The following EP400 variants were observed in gnomAD, a reference collection of about 807,000 sequenced individuals.
EP400 encodes the protein E1A-binding protein p400.
A neutral mutation model predicts 354.1 loss-of-function variants in EP400; 105 were observed. That is an observed-to-expected ratio of 0.30 (90% CI 0.25 to 0.35). The LOEUF is 0.35. Among genes scored for constraint, EP400 ranks in the 10% least tolerant of loss-of-function variants. The probability of loss-of-function intolerance (pLI) is 1.00; values close to 1 mark genes in which losing one functional copy is unlikely to be tolerated. For missense variants in EP400, 3,280 were observed against 4,121.0 expected, an observed-to-expected ratio of 0.80 and a Z score of 5.59; for synonymous variants, 1,646 against 1,716.9, an observed-to-expected ratio of 0.96 and a Z score of 1.02.
In EP400 at chr12:132,077,697, A is replaced by G; in HGVS notation, c.*24A>G. On this transcript the variant is annotated 3_prime_UTR_variant, in exon 53 of 53. Transcript: ENST00000389561. ...AGTCAGGGCAGCAGGGCTGCCTCTC[A>G]TCTAAAGCAAAACTACCTTCCTCAC... is the stretch of plus-strand genomic sequence containing the variant. The G allele has an allele frequency of 6.4e-7, 1 of 1,553,276 alleles. No homozygotes were observed. The highest frequency in any genetic ancestry group is 8.7e-7 in the Non-Finnish European group (1 of 1,152,614).
intron 32 of EP400, among the ~76,000 whole-genome samples, chr12:132,040,437 C>G (rs896055595): frequency 6.6e-5 from 10 of 152,120 alleles, no homozygotes; most frequent in Admixed American, 3.9e-4. Context: ...CAGCACTGTC[C>G]CAGCAGCCAG....
chr12:132,072,729 A>G (rs964358497), intron 51 of EP400, among the ~76,000 whole-genome samples: 1 of 152,164 alleles, frequency 6.6e-6, no homozygotes, highest in African/African-American at 2.4e-5. Context: ...TTGTGTTACT[A>G]GTTATTGAGA....
At chr12:131,955,138 G>C (rs1286921938) in intron 1 of EP400, among the ~76,000 whole-genome samples, 5 of 152,170 alleles carry the variant, frequency 3.3e-5, no homozygotes, top group African/African-American at 1.2e-4. Flanking sequence ...TAGGATACCT[G>C]TACTATGTTT....
chr12:131,976,529 T>A (rs1047439418), intron 2 of EP400, among the ~76,000 whole-genome samples: 2 of 152,104 alleles, frequency 1.3e-5, no homozygotes, highest in Non-Finnish European at 2.9e-5. Flanking sequence ...CTGGCCAATA[T>A]GGTGAAACCC....
chr12:131,965,636 C>G (rs185152966), intron 2 of EP400, among the ~76,000 whole-genome samples: 1 of 152,284 alleles, frequency 6.6e-6, no homozygotes, highest in Admixed American at 6.5e-5. Flanking sequence ...CTCATCAACC[C>G]TTCACGCCTC....
intron 32 of EP400, among the ~76,000 whole-genome samples, chr12:132,042,577 G>A (rs910919001): frequency 1.3e-5 from 2 of 152,184 alleles, no homozygotes; most frequent in Non-Finnish European, 2.9e-5. Context: ...TCTGTGTATC[G>A]TGTCAAAGTA....
rs1319163029 is a variant in EP400 at position 132,070,274 on chromosome 12, G to T, written c.9021+633G>T. 6.6e-6 allele frequency among the ~76,000 whole-genome samples: 1 copy of T among 152,138 alleles called. No homozygotes were observed. Among genetic ancestry groups the T allele is most frequent in the Non-Finnish European group, 1.5e-5 (1 of 68,026 alleles). ...TTCTCAGCTAGTCTTACATCCTCTG[G>T]GAATTGGTTTTTGGGTCTGAGATAG... On this transcript the variant is annotated intron_variant, in intron 51 of 52. Transcript: ENST00000389561. The surrounding 1 kb of genome is among the most constrained non-coding windows in gnomAD (Gnocchi z 4.1).
chr12:132,016,435 C>A (rs1893937037), intron 19 of EP400, among the ~76,000 whole-genome samples: 2 of 152,126 alleles, frequency 1.3e-5, no homozygotes, highest in African/African-American at 4.8e-5. Flanking sequence ...GTGGCACGAT[C>A]TGGGCTCACT....
chr12:131,996,568 G>T (rs1163496680), intron 12 of EP400, among the ~76,000 whole-genome samples: 1 of 152,056 alleles, frequency 6.6e-6, no homozygotes. Context: ...TGGGATTACA[G>T]GCTTGAGCCA....
intron 2 of EP400, among the ~76,000 whole-genome samples, chr12:131,975,433 C>T (rs1892439203): frequency 6.6e-6 from 1 of 152,178 alleles, no homozygotes; most frequent in Non-Finnish European, 1.5e-5. Context: ...TGTGTTGGTC[C>T]TTACGCCAGC....
intron 38 of EP400, 78 bp from the exon 39 acceptor site, chr12:132,045,649 C>T (rs1593370956): frequency 1.9e-6 from 3 of 1,602,928 alleles, no homozygotes; most frequent in Non-Finnish European, 2.6e-6. Flanking sequence ...GATCACTTTG[C>T]AGGGAGTCTT....
intron 2 of EP400, among the ~76,000 whole-genome samples, chr12:131,976,731 G>A (rs542242143): frequency 1.4e-3 from 220 of 152,088 alleles, no homozygotes; most frequent in African/African-American, 5.0e-3. Flanking sequence ...AAACAAAAAC[G>A]CCAAACAGCA....
intron 29 of EP400, among the ~76,000 whole-genome samples, chr12:132,031,740 A>G (rs943680387): frequency 1.3e-5 from 2 of 152,056 alleles, no homozygotes; most frequent in Middle Eastern, 3.2e-3. Flanking sequence ...TATTTTTAGT[A>G]GAGACGGGGT....
In EP400 at chr12:132,050,509, C is replaced by A. The variant is rs201244457; in HGVS notation, c.7337+50C>A. 2 of 1,612,722 alleles carry A rather than the reference C, an allele frequency of 1.2e-6. No individual in the cohort carries two copies. The highest frequency in any genetic ancestry group is 8.5e-7 in the Non-Finnish European group (1 of 1,178,920). On this transcript the variant is annotated intron_variant, in intron 40 of 52. Transcript: ENST00000389561. The surrounding 1 kb of genome is among the most constrained non-coding windows in gnomAD (Gnocchi z 4.8). The stretch of plus-strand genomic sequence containing the variant: ...ATGTTCATTATGACTGAGTAGATTG[C>A]GTGAAGCTTGGTTTTGATGTGTTTT...
At position 132,013,010 on chromosome 12, in the gene EP400, A is replaced by T; in HGVS notation, c.3443A>T (p.Glu1148Val). 6.2e-7 allele frequency: 1 copy of T among 1,608,348 alleles called. No individual in the cohort carries two copies. The highest frequency in any genetic ancestry group is 1.1e-5 in the South Asian group (1 of 90,564). Residue 1148 changes from glutamate (E) to valine (V), a missense_variant and splice_region_variant, in exon 17 of 53, where the codon GAG becomes GTG. Physicochemically the swap from Glu to Val is moderately radical, Grantham distance 121 (BLOSUM62 -2). Transcript: ENST00000389561. This position sits in a 1 kb window ranked among gnomAD's most constrained non-coding sequence, Gnocchi z 4.5. ...SHRELKAKRQ[E>V]WAEPNSFHVC... ...TGAGCTGTCCTCTCTGTGCTGCAGG[A>T]GTGGGCCGAACCCAACAGCTTCCAC... is the stretch of plus-strand genomic sequence containing the variant.
intron 39 of EP400, among the ~76,000 whole-genome samples, chr12:132,047,047 A>C (rs1333414543): frequency 6.6e-6 from 1 of 152,250 alleles, no homozygotes; most frequent in African/African-American, 2.4e-5. Context: ...ATTTGTGAGA[A>C]TTAACATTTT....
In EP400 at chr12:132,050,686, T is replaced by C; in HGVS notation, c.7394+31T>C. 6.2e-7 allele frequency: 1 copy of C among 1,613,698 alleles called. No homozygotes were observed. Among genetic ancestry groups the C allele is most frequent in the South Asian group, 1.1e-5 (1 of 91,072 alleles). ...TCTCTATTCGTGACACATTTGTTAC[T>C]GTTTGGAAGGATTTCATTCCAGTGT... On this transcript the variant is annotated intron_variant, in intron 41 of 52. Coordinates refer to ENST00000389561, the MANE Select transcript of EP400 (RefSeq NM_015409.5). The surrounding 1 kb of genome is among the most constrained non-coding windows in gnomAD (Gnocchi z 4.8).
At chr12:132,058,791 CTT>C (rs58651614) in intron 45 of EP400, among the ~76,000 whole-genome samples, 94 of 138,784 alleles carry the variant, frequency 6.8e-4, no homozygotes, top group East Asian at 6.2e-4. Context: ...CGATTTCTTC[CTT>C]TTTTTTTTTT....
intron 30 of EP400, among the ~76,000 whole-genome samples, chr12:132,037,426 A>T (rs545495102): frequency 2.0e-5 from 3 of 152,138 alleles, no homozygotes; most frequent in African/African-American, 7.2e-5. Flanking sequence ...GAAAAACGGG[A>T]TGGCGGGTGG....
Sources: allele counts gnomAD v4.1 joint callset (sites outside exome capture counted in the v4.1 genomes callset), GRCh38; gene constraint gnomAD v4.1.1; non-coding constraint Gnocchi (gnomAD v3.1); transcripts MANE v1.5; gene names NCBI Gene and HGNC (gene_info 2026-07-23, HGNC 2026-07-21).